The following CIROZ variants were observed in gnomAD, a reference collection of about 807,000 sequenced individuals.
The protein encoded by CIROZ is ciliated left-right organizer ZP-N domains-containing protein.
chr1:10,947,194 G>A, the CIROZ span, among the ~76,000 whole-genome samples: 1 of 152,214 alleles, frequency 6.6e-6, no homozygotes, highest in Non-Finnish European at 1.5e-5. Flanking sequence ...AAGAGCAGAG[G>A]AACTGGGACT....
the CIROZ span, among the ~76,000 whole-genome samples, chr1:10,947,255 T>A: frequency 6.6e-6 from 1 of 152,196 alleles, no homozygotes; most frequent in Non-Finnish European, 1.5e-5. Context: ...CTCACCCTGA[T>A]GCTTCACCAC....
At chr1:10,957,373 C>T in the CIROZ span, among the ~76,000 whole-genome samples, 10 of 152,244 alleles carry the variant, frequency 6.6e-5, no homozygotes, top group African/African-American at 1.4e-4. Flanking sequence ...TTTAAAGAGA[C>T]GGTAATTACG....
At chr1:10,961,972 G>A in the CIROZ span, among the ~76,000 whole-genome samples, 2 of 152,110 alleles carry the variant, frequency 1.3e-5, no homozygotes, top group African/African-American at 4.8e-5. Context: ...ACAAATGCTT[G>A]TTGGATAAAT....
the CIROZ span, among the ~76,000 whole-genome samples, chr1:10,950,085 G>A: frequency 1.4e-5 from 2 of 145,866 alleles, no homozygotes; most frequent in Non-Finnish European, 3.0e-5. Flanking sequence ...CCAGGCTGGA[G>A]TGTAGTGGTA....
At chr1:10,959,395 G>C in the CIROZ span, among the ~76,000 whole-genome samples, 1 of 152,168 alleles carries the variant, frequency 6.6e-6, no homozygotes. This position sits in a 1 kb window ranked among gnomAD's most constrained non-coding sequence, Gnocchi z 4.3. Flanking sequence ...CCGTTTCACA[G>C]ACCAGGGCCC....
At chr1:10,961,272 G>T in the CIROZ span, among the ~76,000 whole-genome samples, 9 of 152,148 alleles carry the variant, frequency 5.9e-5, no homozygotes, top group East Asian at 1.4e-3. Context: ...TGGCAGCCCT[G>T]CTTGGGGATC....
At chr1:10,959,433 C>T in the CIROZ span, among the ~76,000 whole-genome samples, 7 of 152,324 alleles carry the variant, frequency 4.6e-5, no homozygotes, top group Admixed American at 4.6e-4. The surrounding 1 kb of genome is among the most constrained non-coding windows in gnomAD (Gnocchi z 4.3). Flanking sequence ...AAGGCACCTT[C>T]CCCAAAACCC....
At chr1:10,959,004 G>A in the CIROZ span, among the ~76,000 whole-genome samples, 2 of 152,240 alleles carry the variant, frequency 1.3e-5, no homozygotes, top group African/African-American at 2.4e-5. The surrounding 1 kb of genome is among the most constrained non-coding windows in gnomAD (Gnocchi z 4.3). Context: ...CTGGGGTCCT[G>A]GGCGCAGCTG....
At chr1:10,949,642 A>AG in the CIROZ span, 32 of 1,605,442 alleles carry the variant, frequency 2.0e-5, no homozygotes, top group Non-Finnish European at 2.7e-5. Flanking sequence ...GTGCGTCGGA[A>AG]GGCCGGTGCA....
At chr1:10,953,257 C>T in the CIROZ span, among the ~76,000 whole-genome samples, 1 of 152,178 alleles carries the variant, frequency 6.6e-6, no homozygotes, top group African/African-American at 2.4e-5. Flanking sequence ...AAATCTCCTT[C>T]GCGTCTGTCT....
the CIROZ span, among the ~76,000 whole-genome samples, chr1:10,980,012 G>C: frequency 1.3e-5 from 2 of 152,024 alleles, no homozygotes; most frequent in Non-Finnish European, 2.9e-5. Context: ...TCACCATTGC[G>C]CTCCAGCCTG....
the CIROZ span, among the ~76,000 whole-genome samples, chr1:10,961,947 A>T: frequency 1.6e-4 from 24 of 152,274 alleles, no homozygotes; most frequent in African/African-American, 5.1e-4. Context: ...ACTCTGTCTC[A>T]AAATAAATAA....
chr1:10,951,766 GCA>G, the CIROZ span, among the ~76,000 whole-genome samples: 1 of 124,496 alleles, frequency 8.0e-6, no homozygotes, highest in African/African-American at 3.3e-5. Flanking sequence ...ATATATATAT[GCA>G]CACACACACA....
the CIROZ span, among the ~76,000 whole-genome samples, chr1:10,955,687 A>T: frequency 6.6e-6 from 1 of 152,080 alleles, no homozygotes; most frequent in East Asian, 1.9e-4. Context: ...TACTAAAAAC[A>T]CAAAAAATTA....
chr1:10,973,964 C>CCA, the CIROZ span, among the ~76,000 whole-genome samples: 51 of 151,944 alleles, frequency 3.4e-4, no homozygotes, highest in African/African-American at 3.4e-4. Flanking sequence ...GGACCCCCCC[C>CCA]ACCAAGTCTC....
the CIROZ span, among the ~76,000 whole-genome samples, chr1:10,954,321 G>A: frequency 6.6e-6 from 1 of 152,162 alleles, no homozygotes; most frequent in East Asian, 1.9e-4. Flanking sequence ...GGGCGTGGTG[G>A]TGGGCACCTG....
the CIROZ span, chr1:10,949,804 T>C: frequency 6.4e-7 from 1 of 1,559,802 alleles, no homozygotes; most frequent in Middle Eastern, 1.7e-4. Context: ...CAGGCGACTC[T>C]GTTCCTGAAC....
chr1:10,956,251 T>C, the CIROZ span, among the ~76,000 whole-genome samples: 8 of 152,134 alleles, frequency 5.3e-5, no homozygotes, highest in Non-Finnish European at 1.2e-4. Flanking sequence ...CCTCTTTATA[T>C]GACATAAGAC....
At chr1:10,956,996 G>A in the CIROZ span, 2 of 1,534,440 alleles carry the variant, frequency 1.3e-6, no homozygotes, top group Non-Finnish European at 1.8e-6. Flanking sequence ...TGGAAAGGTG[G>A]ACATTAGGGG....
Sources: allele counts gnomAD v4.1 joint callset (sites outside exome capture counted in the v4.1 genomes callset), GRCh38; gene constraint gnomAD v4.1.1; non-coding constraint Gnocchi (gnomAD v3.1); transcripts MANE v1.5; gene names NCBI Gene and HGNC (gene_info 2026-07-23, HGNC 2026-07-21).